The following KCNIP4 variants were observed in gnomAD, a reference collection of about 807,000 sequenced individuals.
The protein encoded by KCNIP4 is Kv channel-interacting protein 4.
Under a neutral mutation model 34.0 loss-of-function variants are expected in KCNIP4, and 12 were observed. The observed-to-expected ratio is 0.35, with a 90% CI of 0.23 to 0.57. The LOEUF (loss-of-function observed/expected upper bound fraction) is 0.57, where lower values mean the gene tolerates loss of function less well. Among genes scored for constraint, KCNIP4 ranks in the 20% least tolerant of loss-of-function variants. KCNIP4 has a pLI of 0.83. For missense variants in KCNIP4, 238 were observed against 311.7 expected, an observed-to-expected ratio of 0.76 and a Z score of 1.78; for synonymous variants, 124 against 102.2, an observed-to-expected ratio of 1.21 and a Z score of -1.29.
intron 1 of KCNIP4, among the ~76,000 whole-genome samples, chr4:21,073,880 A>G (rs543623179): frequency 2.0e-5 from 3 of 152,260 alleles, no homozygotes; most frequent in African/African-American, 7.2e-5. Context: ...CCTTTTCTGC[A>G]TCTATTGAGA....
chr4:21,580,966 C>G (rs358836), intron 1 of KCNIP4, among the ~76,000 whole-genome samples: 77,761 of 151,804 alleles, frequency 0.51, 20,493 homozygotes, highest in East Asian at 0.86. Context: ...GAGAGCTTAT[C>G]CAGGAGAGCT....
At chr4:21,906,176 A>T (rs1727990916) in intron 1 of KCNIP4, among the ~76,000 whole-genome samples, 2 of 152,196 alleles carry the variant, frequency 1.3e-5, no homozygotes, top group Non-Finnish European at 2.9e-5. Flanking sequence ...TGGTAATGTG[A>T]TAATGACTCC....
chr4:21,376,271 G>A (rs1320324383), intron 1 of KCNIP4, among the ~76,000 whole-genome samples: 3 of 152,060 alleles, frequency 2.0e-5, no homozygotes, highest in African/African-American at 7.2e-5. Flanking sequence ...TAACGCATTA[G>A]TTTTCCTTAA....
chr4:21,307,446 T>C (rs1254399987), intron 1 of KCNIP4, among the ~76,000 whole-genome samples: 2 of 152,090 alleles, frequency 1.3e-5, no homozygotes, highest in African/African-American at 2.4e-5. Flanking sequence ...TCTGAACCAG[T>C]GTTATTTTCC....
rs1000811770 is a variant in KCNIP4 at position 21,030,652 on chromosome 4, G to A, written c.62-147943C>T. ...AGAAATGCTTTGTTTAACTAGAAGT[G>A]TTCAGGACTTACGCATGTTGCTTTT... On this transcript the variant is annotated intron_variant, in intron 1 of 8. Coordinates refer to ENST00000382152, the MANE Select transcript of KCNIP4 (RefSeq NM_025221.6). Among the ~76,000 whole-genome samples the A allele has an allele frequency of 2.6e-5, 4 of 152,070 alleles. No individual in the cohort carries two copies. The South Asian group carries it at 8.3e-4, about 31-fold the overall frequency.
At chr4:21,681,321 G>C (rs573175844) in intron 1 of KCNIP4, among the ~76,000 whole-genome samples, 3 of 151,738 alleles carry the variant, frequency 2.0e-5, no homozygotes, top group African/African-American at 7.3e-5. Flanking sequence ...TGATCAGGCT[G>C]GTCTCAAATT....
chr4:21,442,858 T>G (rs1002893833), intron 1 of KCNIP4, among the ~76,000 whole-genome samples: 4 of 152,198 alleles, frequency 2.6e-5, no homozygotes, highest in African/African-American at 9.6e-5. Context: ...AAGGTTCATA[T>G]TCAACTGTTC....
intron 1 of KCNIP4, among the ~76,000 whole-genome samples, chr4:21,692,068 A>T (rs1373903383): frequency 6.6e-6 from 1 of 152,182 alleles, no homozygotes; most frequent in African/African-American, 2.4e-5. Context: ...TAATTTAGCC[A>T]ACCAGTCAAC....
chr4:20,909,083 GA>G (rs1203761631), intron 1 of KCNIP4, among the ~76,000 whole-genome samples: 10 of 152,174 alleles, frequency 6.6e-5, no homozygotes. Flanking sequence ...ATCTGTTACA[GA>G]GGAATAAATA....
chr4:21,813,295 A>G (rs1347468506), intron 1 of KCNIP4, among the ~76,000 whole-genome samples: 2 of 152,228 alleles, frequency 1.3e-5, no homozygotes, highest in East Asian at 1.9e-4. Flanking sequence ...TCTGGTTGAA[A>G]GGAGAAAAAA....
At chr4:21,711,138 T>A (rs1713689762) in intron 1 of KCNIP4, among the ~76,000 whole-genome samples, 1 of 152,066 alleles carries the variant, frequency 6.6e-6, no homozygotes, top group Non-Finnish European at 1.5e-5. Context: ...TTGTATAACA[T>A]TGCAGCCTAT....
intron 1 of KCNIP4, among the ~76,000 whole-genome samples, chr4:20,895,691 G>T (rs1258988424): frequency 6.6e-6 from 1 of 152,124 alleles, no homozygotes; most frequent in Non-Finnish European, 1.5e-5. Flanking sequence ...CCCTGTGCCA[G>T]GCACCCGGGA....
chr4:20,935,558 C>T (rs1730979087), intron 1 of KCNIP4, among the ~76,000 whole-genome samples: 1 of 152,118 alleles, frequency 6.6e-6, no homozygotes, highest in Admixed American at 6.6e-5. Flanking sequence ...AGTTTTCCAC[C>T]CCAATTCTCT....
intron 1 of KCNIP4, among the ~76,000 whole-genome samples, chr4:21,310,241 G>A (rs1186057733): frequency 6.6e-6 from 1 of 151,924 alleles, no homozygotes; most frequent in Admixed American, 6.6e-5. Flanking sequence ...CCATTTCTAG[G>A]GCTAGGCTGG....
intron 1 of KCNIP4, among the ~76,000 whole-genome samples, chr4:21,601,904 C>T (rs527780590): frequency 1.4e-4 from 22 of 152,252 alleles, no homozygotes; most frequent in African/African-American, 5.3e-4. Context: ...CACCATCAAA[C>T]GCTAAGTGTC....
At chr4:20,844,543 G>A (rs577146244) in intron 3 of KCNIP4, among the ~76,000 whole-genome samples, 11 of 152,232 alleles carry the variant, frequency 7.2e-5, no homozygotes, top group East Asian at 1.9e-4. Flanking sequence ...CTATGAAAGC[G>A]TTCAAGAATA....
intron 5 of KCNIP4, among the ~76,000 whole-genome samples, chr4:20,742,925 GACAA>G (rs952047100): frequency 4.5e-4 from 69 of 152,094 alleles, no homozygotes; most frequent in African/African-American, 1.2e-3. Flanking sequence ...ACCAATAATA[GACAA>G]ACAGAGCCAA....
At chr4:21,101,178 T>C (rs1193976553) in intron 1 of KCNIP4, among the ~76,000 whole-genome samples, 1 of 152,152 alleles carries the variant, frequency 6.6e-6, no homozygotes, top group Non-Finnish European at 1.5e-5. Context: ...TCTGTACGCA[T>C]TGTTCAGCTC....
chr4:21,115,711 T>C (rs1897667), intron 1 of KCNIP4, among the ~76,000 whole-genome samples: 71,106 of 151,920 alleles, frequency 0.47, 17,516 homozygotes, highest in African/African-American at 0.63. Context: ...TGGGAATAAA[T>C]GGGGAACCAA....
Sources: allele counts gnomAD v4.1 joint callset (sites outside exome capture counted in the v4.1 genomes callset), GRCh38; gene constraint gnomAD v4.1.1; transcripts MANE v1.5; gene names NCBI Gene and HGNC (gene_info 2026-07-23, HGNC 2026-07-21).